PABPC4L: variants seen among roughly 807,000 people sequenced by gnomAD.
PABPC4L encodes the protein poly(A) binding protein cytoplasmic 4 like, also known as polyadenylate-binding protein 4-like.
For synonymous variants in PABPC4L, 169 were observed against 164.1 expected, an observed-to-expected ratio of 1.03 and a Z score of -0.23; for missense variants, 452 against 451.4, an observed-to-expected ratio of 1.00 and a Z score of -0.01.
At chr4:133,957,471 G>A in the PABPC4L span, among the ~76,000 whole-genome samples, 2 of 152,164 alleles carry the variant, frequency 1.3e-5, no homozygotes, top group African/African-American at 2.4e-5. Flanking sequence ...TCACAGGTTG[G>A]CATTGAATGT....
the PABPC4L span, among the ~76,000 whole-genome samples, chr4:134,023,060 C>A: frequency 3.3e-5 from 5 of 152,090 alleles, no homozygotes; most frequent in South Asian, 1.0e-3. Flanking sequence ...GGACTTGCAA[C>A]AATGCCCAAC....
the PABPC4L span, among the ~76,000 whole-genome samples, chr4:133,988,765 T>C: frequency 2.0e-5 from 3 of 152,178 alleles, no homozygotes; most frequent in Admixed American, 6.5e-5. Context: ...GGACCCTGTG[T>C]GGGTGCACCA....
chr4:134,113,135 G>A, the PABPC4L span, among the ~76,000 whole-genome samples: 6 of 152,062 alleles, frequency 3.9e-5, no homozygotes, highest in East Asian at 9.7e-4. Context: ...TAAGCTAAGT[G>A]TTATTACAAA....
At chr4:134,084,107 A>G in the PABPC4L span, among the ~76,000 whole-genome samples, 1 of 152,116 alleles carries the variant, frequency 6.6e-6, no homozygotes, top group African/African-American at 2.4e-5. Flanking sequence ...ACAGTGCAGT[A>G]ACATTATCAG....
the PABPC4L span, among the ~76,000 whole-genome samples, chr4:134,140,310 A>G: frequency 6.6e-6 from 1 of 151,802 alleles, no homozygotes; most frequent in Non-Finnish European, 1.5e-5. Context: ...TTATATATAC[A>G]TATATCAAAA....
the PABPC4L span, among the ~76,000 whole-genome samples, chr4:133,995,681 A>G: frequency 1.6e-4 from 24 of 152,122 alleles, no homozygotes; most frequent in African/African-American, 5.6e-4. Flanking sequence ...TAGGTTTGGG[A>G]AGCCAAACTT....
chr4:134,171,755 C>T, the PABPC4L span, among the ~76,000 whole-genome samples: 3 of 151,990 alleles, frequency 2.0e-5, no homozygotes, highest in Non-Finnish European at 2.9e-5. Context: ...TGATGCTATA[C>T]CTAGAAAAAC....
chr4:134,148,549 C>A, the PABPC4L span, among the ~76,000 whole-genome samples: 3 of 152,074 alleles, frequency 2.0e-5, no homozygotes, highest in African/African-American at 7.2e-5. Context: ...CCCAGTGTGA[C>A]AAATTATACT....
chr4:133,980,895 C>T, the PABPC4L span, among the ~76,000 whole-genome samples: 2 of 152,204 alleles, frequency 1.3e-5, no homozygotes, highest in Non-Finnish European at 2.9e-5. Flanking sequence ...CAGTGGCTCA[C>T]GCCTGTAATC....
chr4:134,065,218 T>A, the PABPC4L span, among the ~76,000 whole-genome samples: 1 of 152,228 alleles, frequency 6.6e-6, no homozygotes. Context: ...ACCAGCAATG[T>A]ATAAGCTTTC....
the PABPC4L span, among the ~76,000 whole-genome samples, chr4:134,126,548 T>C: frequency 6.6e-6 from 1 of 152,164 alleles, no homozygotes; most frequent in African/African-American, 2.4e-5. Flanking sequence ...CATTTAGATG[T>C]ATTTTACTGA....
downstream of PABPC4L, among the ~76,000 whole-genome samples, chr4:134,195,243 A>G (rs1466171386): frequency 4.6e-5 from 7 of 151,752 alleles, no homozygotes; most frequent in African/African-American, 1.4e-4. Flanking sequence ...TGCTGGAACT[A>G]CTATTATAAA....
the PABPC4L span, among the ~76,000 whole-genome samples, chr4:133,980,146 C>G: frequency 2.0e-5 from 3 of 152,154 alleles, no homozygotes; most frequent in African/African-American, 7.2e-5. Context: ...CATTCTTAAT[C>G]ACTACCTGTC....
At chr4:134,043,657 A>G in the PABPC4L span, among the ~76,000 whole-genome samples, 971 of 150,228 alleles carry the variant, frequency 6.5e-3, 13 homozygotes, top group African/African-American at 0.022. Flanking sequence ...AAAACTTGCC[A>G]AAAATGTACT....
chr4:134,045,371 T>G, the PABPC4L span, among the ~76,000 whole-genome samples: 1 of 152,298 alleles, frequency 6.6e-6, no homozygotes, highest in East Asian at 1.9e-4. Context: ...CATTTCGGTT[T>G]GGAAGTGCAT....
chr4:134,160,820 A>G, the PABPC4L span, among the ~76,000 whole-genome samples: 1 of 152,062 alleles, frequency 6.6e-6, no homozygotes, highest in East Asian at 1.9e-4. Flanking sequence ...GTGAGACCCC[A>G]TCTGTAAAAA....
chr4:134,004,337 A>C, the PABPC4L span, among the ~76,000 whole-genome samples: 1 of 151,978 alleles, frequency 6.6e-6, no homozygotes, highest in African/African-American at 2.4e-5. Context: ...GAAGGACCTG[A>C]ATAGACATTT....
chr4:134,100,152 C>T, the PABPC4L span, among the ~76,000 whole-genome samples: 1 of 151,542 alleles, frequency 6.6e-6, no homozygotes, highest in Non-Finnish European at 1.5e-5. Context: ...AAGAGTCAGA[C>T]ACTACATTTT....
chr4:133,965,902 G>A, the PABPC4L span, among the ~76,000 whole-genome samples: 1 of 152,006 alleles, frequency 6.6e-6, no homozygotes, highest in Non-Finnish European at 1.5e-5. Context: ...TCTAGACATT[G>A]GCTTAGACAA....
Sources: gnomAD v4.1 joint callset for allele counts (sites outside exome capture counted in the v4.1 genomes callset) on GRCh38, gnomAD v4.1.1 for gene constraint, MANE v1.5 for transcripts, NCBI Gene and HGNC (gene_info 2026-07-23, HGNC 2026-07-21) for gene names.